The following ADGB variants were observed in gnomAD, a reference collection of about 807,000 sequenced individuals.
The protein encoded by ADGB is androglobin.
Under a neutral mutation model 210.5 loss-of-function variants are expected in ADGB, and 172 were observed. The observed-to-expected ratio is 0.82, with a 90% CI of 0.72 to 0.93. The LOEUF is 0.93. ADGB is among the 40% of genes least tolerant of loss of function. The pLI is 0.00. For synonymous variants in ADGB, 658 were observed against 662.7 expected (o/e 0.99, Z 0.11); for missense variants, 2,025 against 1,964.8 (o/e 1.03, Z -0.58).
At chr6:146,628,541 T>A (rs1781013027) in intron 1 of ADGB, among the ~76,000 whole-genome samples, 1 of 151,902 alleles carries the variant, frequency 6.6e-6, no homozygotes, top group African/African-American at 2.4e-5. Context: ...CTGCCTACCT[T>A]TTGTTTTTTT....
chr6:146,744,453 A>G (rs1777200240), intron 25 of ADGB, among the ~76,000 whole-genome samples: 1 of 152,186 alleles, frequency 6.6e-6, no homozygotes, highest in African/African-American at 2.4e-5. Context: ...TAATCTTATG[A>G]AAAAAGTAAA....
chr6:146,630,543 T>TA (rs954182765), intron 1 of ADGB, among the ~76,000 whole-genome samples: 2 of 150,846 alleles, frequency 1.3e-5, no homozygotes, highest in Non-Finnish European at 2.9e-5. Flanking sequence ...CCCTGCTTCT[T>TA]AAAAAACAAA....
intron 10 of ADGB, among the ~76,000 whole-genome samples, chr6:146,687,399 C>T (rs1776246923): frequency 6.6e-6 from 1 of 151,938 alleles, no homozygotes; most frequent in Non-Finnish European, 1.5e-5. Flanking sequence ...ACCAGCAATG[C>T]CCCATCAATG....
At chr6:146,641,910 T>C (rs1380582309) in intron 2 of ADGB, among the ~76,000 whole-genome samples, 2 of 152,078 alleles carry the variant, frequency 1.3e-5, no homozygotes, top group Non-Finnish European at 2.9e-5. Context: ...CAAGTGGATC[T>C]AATTAAACTT....
At chr6:146,668,368 C>A (rs1012478157) in intron 7 of ADGB, among the ~76,000 whole-genome samples, 2 of 152,020 alleles carry the variant, frequency 1.3e-5, no homozygotes, top group African/African-American at 4.8e-5. Flanking sequence ...TGGATTCTGC[C>A]ATCTTCACCA....
intron 1 of ADGB, among the ~76,000 whole-genome samples, chr6:146,609,403 T>C (rs1389792736): frequency 6.6e-6 from 1 of 152,224 alleles, no homozygotes; most frequent in Admixed American, 6.5e-5. Flanking sequence ...GATTTGATTC[T>C]GTCATCAGGT....
intron 1 of ADGB, among the ~76,000 whole-genome samples, chr6:146,618,302 T>G (rs1780834395): frequency 6.6e-6 from 1 of 151,762 alleles, no homozygotes; most frequent in Admixed American, 6.6e-5. Context: ...GTTTCTCTAT[T>G]TGTTTTATCT....
rs76071490 is a variant in ADGB at position 146,656,764 on chromosome 6, T to C, written c.403-7T>C. 13,862 of 1,511,436 alleles carry C rather than the reference T, an allele frequency of 9.2e-3. 87 individuals carry two copies. The highest frequency in any genetic ancestry group is 0.01 in the Non-Finnish European group (11,495 of 1,126,136). The allele number at this position is 1,511,436 out of a possible 1,614,324, so 93.6% of individuals were successfully genotyped here. ...AACCAATTAACCCTAATGTTTTTTA[T>C]CTCTAGCTGATGAGATGGATTATCA... On this transcript the variant is annotated splice_polypyrimidine_tract_variant and splice_region_variant and intron_variant, in intron 4 of 35. Coordinates refer to ENST00000397944, the MANE Select transcript of ADGB (RefSeq NM_024694.4).
intron 6 of ADGB, among the ~76,000 whole-genome samples, chr6:146,666,544 A>G (rs527467716): frequency 1.3e-5 from 2 of 152,120 alleles, no homozygotes; most frequent in South Asian, 2.1e-4. Context: ...TATAATGTGA[A>G]TATATTTCAT....
intron 3 of ADGB, among the ~76,000 whole-genome samples, chr6:146,646,993 G>T (rs1422440079): frequency 6.6e-6 from 1 of 151,556 alleles, no homozygotes; most frequent in Non-Finnish European, 1.5e-5. Context: ...GGAGGCTGAG[G>T]CATGTGAATC....
Position 146,656,975 on chromosome 6 carries a change from T to C in ADGB, c.607T>C (p.Trp203Arg), listed in dbSNP as rs1166851831. The change falls in exon 5 of 36, where the codon TGG (tryptophan) becomes CGG (arginine). Residue 203 changes from tryptophan to arginine, a missense_variant. Coordinates refer to ENST00000397944, the MANE Select transcript of ADGB (RefSeq NM_024694.4). Reference sequence around the variant, plus strand: ...TGGAAAGTATGTTGTGAAACTTTACTGGATGGTAAGTCCATTTTCGTGTGC... The same window carrying C: ...TGGAAAGTATGTTGTGAAACTTTACCGGATGGTAAGTCCATTTTCGTGTGC... ...SYGKYVVKLY[W>R]MGCWRKITID... is the part of the protein sequence containing the mutation. 9.7e-6 allele frequency: 15 copies of C among 1,549,698 alleles called. No homozygotes were observed. Among genetic ancestry groups the C allele is most frequent in the Non-Finnish European group, 1.3e-5 (15 of 1,145,402 alleles).
rs550280560 is a variant in ADGB, at chr6:146,621,388, T to A, written c.75-13987T>A. On this transcript the variant is annotated intron_variant, in intron 1 of 35. Coordinates refer to ENST00000397944, the MANE Select transcript of ADGB (RefSeq NM_024694.4). ...CCCAGTTCATCACAGGTAGTTCAGC[T>A]TTCCTGGTACACCCAATTGCTCCCC... 3.3e-5 allele frequency among the ~76,000 whole-genome samples: 5 copies of A among 152,210 alleles called. No homozygotes were observed. The South Asian group carries it at 1.0e-3, about 32-fold the overall frequency.
Position 146,635,502 on chromosome 6 carries a change from A to G in ADGB, c.202A>G (p.Lys68Glu), listed in dbSNP as rs1562260840. The G allele has an allele frequency of 1.3e-6, 2 of 1,548,124 alleles. No individual in the cohort carries two copies. ...AAAGTGGGATGCAGGCAAAGGTGCA[A>G]AAGAAAAGGACAAAACAGGAAAAAG... ...SEKWDAGKGA[K>E]EKDKTGKSPV... The change falls in exon 2 of 36, where the codon AAA becomes GAA. Residue 68 changes from lysine (K) to glutamate (E), a missense_variant. Lys to Glu is a moderately conservative substitution (Grantham distance 56, BLOSUM62 1). Coordinates refer to ENST00000397944, the MANE Select transcript of ADGB (RefSeq NM_024694.4).
chr6:146,685,849 A>C, intron 10 of ADGB, 21 bp downstream of exon 10: 1 of 1,464,768 alleles, frequency 6.8e-7, no homozygotes, highest in Non-Finnish European at 9.3e-7. Flanking sequence ...AAGCTTAGGA[A>C]ACAGTATTAT....
chr6:146,789,383 T>C (rs956263573), intron 33 of ADGB, among the ~76,000 whole-genome samples: 3 of 152,204 alleles, frequency 2.0e-5, no homozygotes, highest in African/African-American at 7.2e-5. Context: ...AGTATAATCT[T>C]ACTCTATTTT....
chr6:146,748,002 C>T (rs1777267056), intron 26 of ADGB, among the ~76,000 whole-genome samples: 2 of 151,830 alleles, frequency 1.3e-5, no homozygotes, highest in Admixed American at 1.3e-4. Flanking sequence ...AGGCTAGTCT[C>T]AAACTCCTGG....
intron 13 of ADGB, among the ~76,000 whole-genome samples, chr6:146,707,522 G>T (rs1562279567): frequency 6.6e-6 from 1 of 151,996 alleles, no homozygotes; most frequent in Non-Finnish European, 1.5e-5. Context: ...TCTGATGTTG[G>T]ATGCATACAT....
At position 146,691,127 on chromosome 6, in the gene ADGB, TGAGAAACTTA is replaced by T. The variant is rs1562275305; in HGVS notation, c.1329_1338del (p.Lys443AsnfsTer14). 2.0e-6 allele frequency: 3 copies of T among 1,529,660 alleles called. No homozygotes were observed. Among genetic ancestry groups the T allele is most frequent in the Non-Finnish European group, 2.6e-6 (3 of 1,138,658 alleles). 94.8% of individuals were successfully genotyped at this position (1,529,660 alleles called of 1,614,324 possible). A position where few individuals can be genotyped will look rare whatever the true frequency, so the allele number is the denominator to read the frequency against. On this transcript the variant is annotated frameshift_variant, in exon 11 of 36. Coordinates refer to ENST00000397944, the MANE Select transcript of ADGB (RefSeq NM_024694.4). LOFTEE classifies it high-confidence loss of function. ...TTTCCATCTTCTAGGCAGATTCTGC[TGAGAAACTTA>T]GAGAATATGGGCTTTCCCACATCTG...
rs73575936 is a variant in ADGB at position 146,735,332 on chromosome 6, T to C, written c.2795-1166T>C. On this transcript the variant is annotated intron_variant, in intron 22 of 35. Coordinates refer to ENST00000397944, the MANE Select transcript of ADGB (RefSeq NM_024694.4). Reference sequence around the variant, plus strand: ...GCTGGAAAATCCAAAATCAAGGGGTTTGCATCTGGACAGAGCCTTTATCCC... The same window carrying C: ...GCTGGAAAATCCAAAATCAAGGGGTCTGCATCTGGACAGAGCCTTTATCCC... Among the ~76,000 whole-genome samples, 1,162 of 152,194 alleles carry C rather than the reference T, an allele frequency of 7.6e-3. 12 individuals are homozygous for C. Among genetic ancestry groups the C allele is most frequent in the African/African-American group, 0.026 (1,079 of 41,534 alleles).
Sources: allele counts gnomAD v4.1 joint callset (sites outside exome capture counted in the v4.1 genomes callset), GRCh38; gene constraint gnomAD v4.1.1; transcripts MANE v1.5; gene names NCBI Gene and HGNC (gene_info 2026-07-23, HGNC 2026-07-21).